The following ZNF324B variants were observed in gnomAD, a reference collection of about 807,000 sequenced individuals.
The protein encoded by ZNF324B is zinc finger protein 324B.
Under a neutral mutation model 10.6 loss-of-function variants are expected in ZNF324B, and 7 were observed. The observed-to-expected ratio is 0.66, with a 90% CI of 0.38 to 1.24. The LOEUF (loss-of-function observed/expected upper bound fraction) is 1.24. ZNF324B is among the 50% of genes most tolerant of loss of function. The pLI is 0.02. For synonymous variants in ZNF324B, 316 were observed against 321.0 expected (o/e 0.98, Z 0.17); for missense variants, 640 against 764.7 (o/e 0.84, Z 1.92).
the ZNF324B span, among the ~76,000 whole-genome samples, chr19:58,422,474 T>A: frequency 6.6e-6 from 1 of 152,180 alleles, no homozygotes; most frequent in South Asian, 2.1e-4. Context: ...TGTTCCTGTT[T>A]GCAGATGACA....
chr19:58,449,656 G>T (rs993874784), upstream of ZNF324B, among the ~76,000 whole-genome samples: 1 of 152,220 alleles, frequency 6.6e-6, no homozygotes, highest in Non-Finnish European at 1.5e-5. Context: ...TTTAAGATTC[G>T]ACTGTCCTGC....
the ZNF324B span, chr19:58,444,483 A>G: frequency 6.6e-6 from 1 of 152,204 alleles, no homozygotes; most frequent in Non-Finnish European, 1.5e-5. Context: ...ATAAATAAAT[A>G]AATACATAGA....
chr19:58,428,407 G>A, the ZNF324B span, among the ~76,000 whole-genome samples: 1 of 152,162 alleles, frequency 6.6e-6, no homozygotes, highest in Non-Finnish European at 1.5e-5. Context: ...GGAAAACCAG[G>A]AGATATGGGA....
chr19:58,452,738 G>A (rs1040186724), intron 1 of ZNF324B: 1 of 788,828 alleles, frequency 1.3e-6, no homozygotes, highest in Non-Finnish European at 1.5e-6. Context: ...AAACTGGACT[G>A]AAGAAGGCGA....
chr19:58,439,658 C>A, the ZNF324B span: 1 of 1,299,434 alleles, frequency 7.7e-7, no homozygotes, highest in Non-Finnish European at 1.0e-6. Context: ...GGACAGGACA[C>A]GATCAAGAGT....
chr19:58,453,710 C>A lies in ZNF324B; in HGVS notation c.9C>A (p.Phe3Leu), dbSNP rs368796974. ...TGCTGTTTTAGGACCTGATGACCTT[C>A]GAGGATGTGGCCGTGTACTTCTCCC... The part of the protein sequence containing the change: MT[F>L]EDVAVYFSQE... Residue 3 changes from phenylalanine (F) to leucine (L), a missense_variant, in exon 2 of 4, where the codon TTC becomes TTA. Physicochemically the swap from Phe to Leu is conservative, Grantham distance 22 (BLOSUM62 0). Around this residue, in one of 3 missense-constraint regions of ZNF324B, gnomAD observed 345 missense variants for 387.9 expected, o/e 0.89. Transcript: ENST00000336614. 6.2e-7 allele frequency: 1 copy of A among 1,614,192 alleles called. No homozygotes were observed. The highest frequency in any genetic ancestry group is 1.1e-5 in the South Asian group (1 of 91,082).
chr19:58,428,180 T>A, the ZNF324B span, among the ~76,000 whole-genome samples: 1 of 152,326 alleles, frequency 6.6e-6, no homozygotes, highest in Non-Finnish European at 1.5e-5. Context: ...TGGCCTCTGA[T>A]CCATCATACA....
chr19:58,420,881 T>C, the ZNF324B span, among the ~76,000 whole-genome samples: 17 of 151,490 alleles, frequency 1.1e-4, no homozygotes, highest in Non-Finnish European at 1.5e-5. Flanking sequence ...CTAATTTGTA[T>C]TTTTAGTAGA....
the ZNF324B span, chr19:58,435,299 C>A: frequency 6.9e-7 from 1 of 1,450,024 alleles, no homozygotes; most frequent in African/African-American, 1.4e-5. Context: ...GAATTCACAC[C>A]CAAGAAGAGG....
At chr19:58,451,471 C>T, upstream of ZNF324B, 2 of 348,084 alleles carry the variant, frequency 5.7e-6, no homozygotes, top group Admixed American at 3.7e-5. Context: ...AGCGCGGCGG[C>T]GCTTAGCCGT....
chr19:58,434,962 T>G, the ZNF324B span: 1 of 1,614,206 alleles, frequency 6.2e-7, no homozygotes, highest in South Asian at 1.1e-5. Flanking sequence ...GTGCTCCTTC[T>G]GGTGCTGGTG....
the ZNF324B span, among the ~76,000 whole-genome samples, chr19:58,422,723 A>G: frequency 6.6e-6 from 1 of 152,232 alleles, no homozygotes; most frequent in Admixed American, 6.5e-5. Context: ...AAAATTACAG[A>G]ACATTGATAA....
rs187508059 is a variant in ZNF324B at position 58,454,750 on chromosome 19, G to A, written c.238+406G>A. The stretch of plus-strand genomic sequence containing the variant: ...TGGGGCTGATGGTGCTAGGGGAGAC[G>A]CAGTGAGTACGTAGGATTCAGGAGT... On this transcript the variant is annotated intron_variant, in intron 3 of 3. Coordinates refer to ENST00000336614, the MANE Select transcript of ZNF324B (RefSeq NM_207395.3). 4.5e-4 allele frequency: 256 copies of A among 564,044 alleles called. 2 individuals carry two copies. The highest frequency in any genetic ancestry group is 3.9e-3 in the African/African-American group (206 of 53,402). 34.9% of individuals were successfully genotyped at this position (564,044 alleles called of 1,614,324 possible). A position where few individuals can be genotyped will look rare whatever the true frequency, so the allele number is the denominator to read the frequency against.
chr19:58,440,149 G>T, the ZNF324B span: 1 of 377,696 alleles, frequency 2.6e-6, no homozygotes, highest in African/African-American at 2.2e-5. Context: ...AATGAGGACC[G>T]CAATGGCGGC....
the ZNF324B span, among the ~76,000 whole-genome samples, chr19:58,421,438 C>T: frequency 6.6e-6 from 1 of 152,066 alleles, no homozygotes; most frequent in Non-Finnish European, 1.5e-5. Flanking sequence ...TCCCCGTCAC[C>T]CAGGCTGGAG....
the ZNF324B span, among the ~76,000 whole-genome samples, chr19:58,425,558 C>T: frequency 6.6e-6 from 1 of 151,566 alleles, no homozygotes; most frequent in Admixed American, 6.6e-5. Flanking sequence ...GCAACCTCTG[C>T]CTGCCGGGTT....
rs980067492 is a variant in ZNF324B at position 58,457,609 on chromosome 19, C to A, written c.*1030C>A. 2.7e-5 allele frequency: 4 copies of A among 145,882 alleles called. No homozygotes were observed. The Admixed American group carries it at 2.9e-4, about 11-fold the overall frequency. 9.0% of individuals were successfully genotyped at this position (145,882 alleles called of 1,614,324 possible). A position where few individuals can be genotyped will look rare whatever the true frequency, so the allele number is the denominator to read the frequency against. The stretch of plus-strand genomic sequence containing the variant: ...GCTGAATAGGAAGGACTTGCCATTA[C>A]CTAAGGCCATGTGTGACAGCCTCCT... On this transcript the variant is annotated 3_prime_UTR_variant, in exon 4 of 4. Coordinates refer to ENST00000336614, the MANE Select transcript of ZNF324B (RefSeq NM_207395.3).
the ZNF324B span, among the ~76,000 whole-genome samples, chr19:58,426,205 G>T: frequency 6.6e-6 from 1 of 152,170 alleles, no homozygotes; most frequent in Non-Finnish European, 1.5e-5. Flanking sequence ...GGGGGTAGAG[G>T]ATCTGGGTTT....
chr19:58,427,439 C>CTTTCCT, the ZNF324B span, among the ~76,000 whole-genome samples: 4 of 34,354 alleles, frequency 1.2e-4, no homozygotes, highest in Admixed American at 3.2e-4. Flanking sequence ...TCCTTCCTTC[C>CTTTCCT]TTCCTTTCCT....
Sources: gnomAD v4.1 joint callset for allele counts (sites outside exome capture counted in the v4.1 genomes callset) on GRCh38, gnomAD v4.1.1 for gene constraint, gnomAD v4.1.1 regional missense constraint, MANE v1.5 for transcripts, NCBI Gene and HGNC (gene_info 2026-07-23, HGNC 2026-07-21) for gene names.